GRIN2A: variants seen among roughly 807,000 people sequenced by gnomAD.
The protein encoded by GRIN2A is glutamate receptor ionotropic, NMDA 2A.
A neutral mutation model predicts 113.4 loss-of-function variants in GRIN2A; 22 were observed. The ratio of observed to expected loss-of-function variants is 0.19; its 90% confidence interval spans 0.14 to 0.28. The LOEUF is 0.28. Among genes scored for constraint, GRIN2A ranks in the 10% least tolerant of loss-of-function variants. The pLI is 1.00. For synonymous variants in GRIN2A, 827 were observed against 738.4 expected (o/e 1.12, Z -1.94); for missense variants, 1,502 against 1,887.0 (o/e 0.80, Z 3.78).
At chr16:9,789,900 G>A (rs1241755077) in intron 11 of GRIN2A, among the ~76,000 whole-genome samples, 1 of 152,206 alleles carries the variant, frequency 6.6e-6, no homozygotes, top group Admixed American at 6.5e-5. Flanking sequence ...GGTTTGCATG[G>A]AAGAAAGGGA....
intron 7 of GRIN2A, among the ~76,000 whole-genome samples, chr16:9,838,121 T>C (rs1029669119): frequency 1.3e-5 from 2 of 152,026 alleles, no homozygotes; most frequent in African/African-American, 2.4e-5. Context: ...GGGCTTGGAG[T>C]TGGTGTCCAC....
At chr16:10,147,636 C>CA (rs35925963) in intron 2 of GRIN2A, among the ~76,000 whole-genome samples, 126 of 118,558 alleles carry the variant, frequency 1.1e-3, no homozygotes, top group Admixed American at 1.4e-3. Context: ...GGCCCTGTCT[C>CA]AAAAAAAAAA....
intron 10 of GRIN2A, among the ~76,000 whole-genome samples, chr16:9,812,882 G>T (rs1596453355): frequency 6.6e-6 from 1 of 152,114 alleles, no homozygotes; most frequent in East Asian, 1.9e-4. Context: ...CAGGCCAAAG[G>T]CTCCACAATT....
intron 4 of GRIN2A, among the ~76,000 whole-genome samples, chr16:9,861,446 T>C (rs189146166): frequency 2.3e-3 from 345 of 152,306 alleles, no homozygotes; most frequent in African/African-American, 7.9e-3. Context: ...TGCCGCTGAA[T>C]GCACATCTGA....
At chr16:9,892,334 T>C (rs2043711039) in intron 3 of GRIN2A, among the ~76,000 whole-genome samples, 1 of 151,940 alleles carries the variant, frequency 6.6e-6, no homozygotes, top group Non-Finnish European at 1.5e-5. Context: ...AGAGAATAGA[T>C]TGGAGGGGAA....
At chr16:9,972,950 G>A (rs2141745277) in intron 2 of GRIN2A, among the ~76,000 whole-genome samples, 1 of 152,326 alleles carries the variant, frequency 6.6e-6, no homozygotes, top group Non-Finnish European at 1.5e-5. Flanking sequence ...GGTGGGTAGA[G>A]GGCCAGTGAT....
At chr16:9,964,896 C>T (rs1459348779) in intron 2 of GRIN2A, among the ~76,000 whole-genome samples, 3 of 152,194 alleles carry the variant, frequency 2.0e-5, no homozygotes, top group African/African-American at 7.2e-5. Flanking sequence ...ATTATTCTTC[C>T]TATCACACGT....
chr16:10,152,466 A>G (rs957733290), intron 2 of GRIN2A, among the ~76,000 whole-genome samples: 1 of 152,090 alleles, frequency 6.6e-6, no homozygotes, highest in Admixed American at 6.5e-5. Context: ...ATCTTCCCCC[A>G]GCTCCACTAT....
chr16:9,896,146 T>G (rs189553723), intron 3 of GRIN2A, among the ~76,000 whole-genome samples: 10 of 151,996 alleles, frequency 6.6e-5, no homozygotes, highest in Non-Finnish European at 1.3e-4. Context: ...ACCTCCCAGG[T>G]TCAAGCAATT....
At chr16:9,797,920 C>A (rs1903100314) in intron 11 of GRIN2A, among the ~76,000 whole-genome samples, 1 of 152,122 alleles carries the variant, frequency 6.6e-6, no homozygotes, top group Admixed American at 6.5e-5. Flanking sequence ...ACCTGAGGGA[C>A]AAAATTGCCC....
At chr16:9,836,426 G>A (rs1025100302) in intron 7 of GRIN2A, among the ~76,000 whole-genome samples, 10 of 152,194 alleles carry the variant, frequency 6.6e-5, no homozygotes. Flanking sequence ...AACATTAGAA[G>A]GGACCATAAC....
intron 2 of GRIN2A, among the ~76,000 whole-genome samples, chr16:10,089,861 C>T (rs1166583871): frequency 1.3e-5 from 2 of 152,124 alleles, no homozygotes; most frequent in East Asian, 3.8e-4. Context: ...CCATCCTCCT[C>T]CAGGAGCTAT....
At chr16:9,814,983 T>C (rs971447779) in intron 10 of GRIN2A, among the ~76,000 whole-genome samples, 1 of 147,706 alleles carries the variant, frequency 6.8e-6, no homozygotes, top group African/African-American at 2.5e-5. Context: ...ATTGTGCCAT[T>C]GCACTCCAGC....
intron 2 of GRIN2A, chr16:10,111,677 T>C: frequency 2.5e-6 from 4 of 1,569,356 alleles, no homozygotes; most frequent in Non-Finnish European, 3.5e-6. Context: ...ACCCCAGAGT[T>C]CCAGGCCAAC....
rs191657771 is a variant in GRIN2A at position 10,120,554 on chromosome 16, T to A, written c.414+59444A>T. Among the ~76,000 whole-genome samples the A allele has an allele frequency of 1.3e-3, 204 of 152,168 alleles. 1 individual carries two copies. The highest frequency in any genetic ancestry group is 9.1e-3 in the East Asian group (47 of 5,186). On this transcript the variant is annotated intron_variant, in intron 2 of 12. Coordinates refer to ENST00000330684, the MANE Select transcript of GRIN2A (RefSeq NM_001134407.3). ...GAGGCCCTAGAATTTTACCTCTGTA[T>A]TAAAATGATCTCTATTTTCTTTTCA...
At chr16:9,921,749 A>T (rs1460404800) in intron 3 of GRIN2A, among the ~76,000 whole-genome samples, 1 of 152,172 alleles carries the variant, frequency 6.6e-6, no homozygotes, top group Non-Finnish European at 1.5e-5. Flanking sequence ...ATCTTCATCA[A>T]TCATGATCAC....
At chr16:10,022,401 T>G (rs1265617229) in intron 2 of GRIN2A, among the ~76,000 whole-genome samples, 1 of 152,110 alleles carries the variant, frequency 6.6e-6, no homozygotes, top group East Asian at 1.9e-4. Context: ...TGTCCCACCT[T>G]GACATGTCTA....
intron 2 of GRIN2A, among the ~76,000 whole-genome samples, chr16:10,144,920 C>CA (rs58751267): frequency 0.11 from 6,283 of 59,406 alleles, 950 homozygotes; most frequent in African/African-American, 0.28. Flanking sequence ...GACCCTGTCT[C>CA]AAAAAAAAAA....
Position 9,761,290 on chromosome 16 carries a change from A to G in GRIN2A, c.*1859T>C, listed in dbSNP as rs1269696856. On this transcript the variant is annotated 3_prime_UTR_variant, in exon 13 of 13. Transcript: ENST00000330684. Reference sequence around the variant, plus strand: ...CAAGAAAATAATACTTACAAAACAGAACGCACACCATGAGGAGAAGAAATG... The same window carrying G: ...CAAGAAAATAATACTTACAAAACAGGACGCACACCATGAGGAGAAGAAATG... 4.4e-6 allele frequency: 1 copy of G among 229,564 alleles called. No individual in the cohort carries two copies. Among genetic ancestry groups the G allele is most frequent in the Admixed American group, 5.7e-5 (1 of 17,638 alleles). 14.2% of individuals were successfully genotyped at this position (229,564 alleles called of 1,614,324 possible). A position where few individuals can be genotyped will look rare whatever the true frequency, so the allele number is the denominator to read the frequency against.
Sources: allele counts gnomAD v4.1 joint callset (sites outside exome capture counted in the v4.1 genomes callset), GRCh38; gene constraint gnomAD v4.1.1; transcripts MANE v1.5; gene names NCBI Gene and HGNC (gene_info 2026-07-23, HGNC 2026-07-21).